The following ARHGAP21 variants were observed in gnomAD, a reference collection of about 807,000 sequenced individuals.
ARHGAP21 encodes the protein rho GTPase-activating protein 21.
A neutral mutation model predicts 164.6 loss-of-function variants in ARHGAP21; 38 were observed. That is an observed-to-expected ratio of 0.23 (90% CI 0.18 to 0.30). ARHGAP21 has a LOEUF of 0.30. ARHGAP21 is among the 10% of genes least tolerant of loss of function. The pLI, the probability that ARHGAP21 is intolerant of heterozygous loss-of-function variation, is 1.00. For missense variants in ARHGAP21, 1,822 were observed against 2,370.7 expected (o/e 0.77, Z 4.81); for synonymous variants, 766 against 857.9 (o/e 0.89, Z 1.87).
At chr10:24,718,116 G>A (rs767117639) in intron 2 of ARHGAP21, among the ~76,000 whole-genome samples, 1 of 152,176 alleles carries the variant, frequency 6.6e-6, no homozygotes, top group Admixed American at 6.5e-5. Context: ...GGGGTAGTGG[G>A]TATTGGGAAT....
intron 2 of ARHGAP21, among the ~76,000 whole-genome samples, chr10:24,676,512 A>G (rs921135328): frequency 1.3e-5 from 2 of 152,236 alleles, no homozygotes; most frequent in African/African-American, 2.4e-5. Context: ...CAGAGGGGAA[A>G]AATAGATACT....
rs201118997 is a variant in ARHGAP21 at position 24,620,875 on chromosome 10, T to A, written c.1020A>T (p.Glu340Asp). Residue 340 changes from glutamate (E) to aspartate (D), a missense_variant, in exon 9 of 26, where the codon GAA (glutamate) becomes GAT (aspartate). By Grantham distance (45) the Glu-to-Asp change is conservative (BLOSUM62 2). Coordinates refer to ENST00000396432, the MANE Select transcript of ARHGAP21 (RefSeq NM_020824.4). The part of the protein sequence containing the change: ...IHQPAGSRSL[E>D]PSGILLKSGN... ...CAGACTTAAGTAAAATTCCAGAAGG[T>A]TCCAGTGATCTGGAGCCTGCAGGCT... 1,500 of 1,613,950 alleles carry A rather than the reference T, an allele frequency of 9.3e-4. No individual in the cohort carries two copies. Among genetic ancestry groups the A allele is most frequent in the Non-Finnish European group, 1.2e-3 (1,377 of 1,179,858 alleles).
chr10:24,626,519 C>A (rs1388414842), intron 7 of ARHGAP21, among the ~76,000 whole-genome samples: 1 of 152,110 alleles, frequency 6.6e-6, no homozygotes, highest in African/African-American at 2.4e-5. Flanking sequence ...TGGGCCCTCA[C>A]GAGACACCAA....
intron 2 of ARHGAP21, among the ~76,000 whole-genome samples, chr10:24,716,431 G>C (rs1489804048): frequency 6.6e-6 from 1 of 152,222 alleles, no homozygotes; most frequent in Non-Finnish European, 1.5e-5. Flanking sequence ...AGAGACTGGG[G>C]GAAGTGTTCT....
rs141727692 is a variant in ARHGAP21, at chr10:24,585,743, T to C, written c.4546A>G (p.Thr1516Ala). Residue 1516 changes from threonine (T) to alanine (A), a missense_variant, in exon 26 of 26, where the codon ACT (threonine) becomes GCT (alanine). Coordinates refer to ENST00000396432, the MANE Select transcript of ARHGAP21 (RefSeq NM_020824.4). The part of the protein sequence containing the change: ...PHNSKHNKSP[T>A]LSCRFAILKE... The stretch of plus-strand genomic sequence containing the variant: ...AGGATGGCAAAGCGACAGCTGAGAG[T>C]TGGTGACTTGTTGTGTTTTGAGTTG... The C allele has an allele frequency of 1.7e-4, 274 of 1,613,758 alleles. No homozygotes were observed. The African/African-American group carries it at 3.1e-3, about 18-fold the overall frequency.
In ARHGAP21 at chr10:24,589,262, A is replaced by G; in HGVS notation, c.4182+9T>C. The G allele has an allele frequency of 1.2e-6, 2 of 1,602,796 alleles. No individual in the cohort carries two copies. The highest frequency in any genetic ancestry group is 1.7e-6 in the Non-Finnish European group (2 of 1,171,790). On this transcript the variant is annotated intron_variant, in intron 25 of 25. Transcript: ENST00000396432. ...CCTAAAATATTTCAAATTGTATGAA[A>G]CAATTTACCTTAGATTTTGTTGAGT...
In ARHGAP21 at chr10:24,723,705, C is replaced by T. The variant is rs867239198; in HGVS notation, c.-524G>A. 109 of 147,782 alleles carry T rather than the reference C, an allele frequency of 7.4e-4. No homozygotes were observed. The Middle Eastern group carries it at 0.011, about 15-fold the overall frequency. 9.2% of individuals were successfully genotyped at this position (147,782 alleles called of 1,614,324 possible). On this transcript the variant is annotated 5_prime_UTR_variant, in exon 1 of 26. Transcript: ENST00000396432. ...CCGCCGCCGCCGCCGCCGCCGCGCTCCGAGGCCGCCGCCCCCGGCCGGCCG... is the reference window on the plus strand; with the variant it reads ...CCGCCGCCGCCGCCGCCGCCGCGCTTCGAGGCCGCCGCCCCCGGCCGGCCG...
At chr10:24,683,302 TAAAC>T (rs1298837542) in intron 2 of ARHGAP21, among the ~76,000 whole-genome samples, 2 of 152,198 alleles carry the variant, frequency 1.3e-5, no homozygotes, top group Admixed American at 6.5e-5. Context: ...CTGGCTTTCA[TAAAC>T]TAACTGTTGA....
intron 2 of ARHGAP21, among the ~76,000 whole-genome samples, chr10:24,673,567 G>C (rs972052735): frequency 1.3e-5 from 2 of 152,156 alleles, no homozygotes; most frequent in Non-Finnish European, 2.9e-5. Flanking sequence ...TAACTCAAAT[G>C]ATCATACACC....
chr10:24,695,050 C>CAAAAAAAAAAAAAAAAAA (rs570457905), intron 2 of ARHGAP21, among the ~76,000 whole-genome samples: 12 of 78,498 alleles, frequency 1.5e-4, no homozygotes, highest in Non-Finnish European at 2.6e-4. Context: ...AATTCCATCT[C>CAAAAAAAAAAAAAAAAAA]AAAAAAAAAA....
chr10:24,637,587 G>T (rs960612240), intron 4 of ARHGAP21, among the ~76,000 whole-genome samples: 1 of 152,082 alleles, frequency 6.6e-6, no homozygotes, highest in Non-Finnish European at 1.5e-5. Flanking sequence ...ATAATAAAAC[G>T]TTGGTTGGGT....
rs764691475 is a variant in ARHGAP21, at chr10:24,592,028, A to G, written c.3877-16T>C. ...TTGGTTCCATCTGAAAGAAAGGATG[A>G]TACTGGGAAATACCAGAATTTTTCT... On this transcript the variant is annotated splice_polypyrimidine_tract_variant and intron_variant, in intron 21 of 25. Transcript: ENST00000396432. The G allele has an allele frequency of 6.5e-7, 1 of 1,543,366 alleles. No individual in the cohort carries two copies. The highest frequency in any genetic ancestry group is 8.7e-7 in the Non-Finnish European group (1 of 1,144,948).
At chr10:24,604,121 G>C (rs994567180) in intron 12 of ARHGAP21, among the ~76,000 whole-genome samples, 191 bp downstream of exon 12, 8 of 152,088 alleles carry the variant, frequency 5.3e-5, no homozygotes, top group African/African-American at 1.7e-4. Context: ...ATACAAAAAG[G>C]GCTGCTGGGC....
chr10:24,592,993 G>C (rs1592939012), intron 21 of ARHGAP21, among the ~76,000 whole-genome samples: 1 of 151,990 alleles, frequency 6.6e-6, no homozygotes. Flanking sequence ...TGGATCTTTT[G>C]TTTTCCTTCA....
Position 24,600,799 on chromosome 10 carries a change from A to G in ARHGAP21, c.2979T>C (p.Ala993=). The G allele has an allele frequency of 6.2e-7, 1 of 1,614,194 alleles. No individual in the cohort carries two copies. The highest frequency in any genetic ancestry group is 1.3e-5 in the African/African-American group (1 of 75,058). The change falls in exon 14 of 26, where the codon GCT becomes GCC. Residue 993 remains alanine, a synonymous_variant. Transcript: ENST00000396432. ...CACTGTAAGAGATGTCTATCAAGCA[A>G]GCATTAACACTGATGGGCTGCTCTT... ...SEEEQPISVN[A]CLIDISYSET... is the part of the protein sequence containing the mutation.
At chr10:24,621,891 A>C (rs1834578125) in intron 8 of ARHGAP21, among the ~76,000 whole-genome samples, 1 of 152,222 alleles carries the variant, frequency 6.6e-6, no homozygotes, top group Non-Finnish European at 1.5e-5. Flanking sequence ...ATCCATTTTG[A>C]CAAATTAAGA....
At chr10:24,652,446 A>C (rs1237915585) in intron 4 of ARHGAP21, among the ~76,000 whole-genome samples, 5 of 152,212 alleles carry the variant, frequency 3.3e-5, no homozygotes, top group African/African-American at 1.2e-4. Flanking sequence ...CCTAGAACTC[A>C]TAAACTATTA....
intron 2 of ARHGAP21, among the ~76,000 whole-genome samples, chr10:24,677,004 TCAGCCTGGCCAAAGAGAC>T (rs1380480150): frequency 6.6e-6 from 1 of 151,932 alleles, no homozygotes; most frequent in Non-Finnish European, 1.5e-5. Context: ...GAGTTCGAGA[TCAGCCTGGCCAAAGAGAC>T]CAGCCTGGCC....
At chr10:24,594,690 A>G (rs1444539016) in intron 21 of ARHGAP21, among the ~76,000 whole-genome samples, 2 of 152,182 alleles carry the variant, frequency 1.3e-5, no homozygotes, top group Non-Finnish European at 2.9e-5. Context: ...ATACAGCTAA[A>G]AAATGAGAGA....
Sources: gnomAD v4.1 joint callset for allele counts (sites outside exome capture counted in the v4.1 genomes callset) on GRCh38, gnomAD v4.1.1 for gene constraint, MANE v1.5 for transcripts, NCBI Gene and HGNC (gene_info 2026-07-23, HGNC 2026-07-21) for gene names.